GLRA2: variants seen among roughly 807,000 people sequenced by gnomAD.
GLRA2 encodes the protein glycine receptor alpha 2, also known as glycine receptor subunit alpha-2.
In GLRA2, 11 loss-of-function variants were observed where a neutral mutation model predicts 31.6. The observed-to-expected ratio is 0.35, with a 90% CI of 0.22 to 0.58. The LOEUF is 0.58. Ranked by LOEUF, GLRA2 falls within the 20% of genes least tolerant of loss-of-function variation. The probability of loss-of-function intolerance (pLI) is 0.84; values close to 1 mark genes in which losing one functional copy is unlikely to be tolerated. For missense variants in GLRA2, 212 were observed against 351.8 expected (o/e 0.60, Z 3.18); for synonymous variants, 132 against 134.0 (o/e 0.99, Z 0.10).
At chrX:14,455,701 A>G in the GLRA2 span, among the ~76,000 whole-genome samples, 1 of 111,568 alleles carries the variant, frequency 9.0e-6, no homozygotes, top group East Asian at 2.8e-4. Context: ...TAAAGGCATA[A>G]TTTTCTATTC....
At chrX:14,462,756 C>G in the GLRA2 span, among the ~76,000 whole-genome samples, 1 of 111,475 alleles carries the variant, frequency 9.0e-6, no homozygotes, top group Non-Finnish European at 1.9e-5. Context: ...AACCTTTTTT[C>G]AAGGTTGTTA....
intron 7 of GLRA2, among the ~76,000 whole-genome samples, chrX:14,629,994 G>GA (rs1015605291): frequency 1.8e-5 from 2 of 111,264 alleles, no homozygotes; most frequent in African/African-American, 6.5e-5. Context: ...CCACTAATTT[G>GA]AAAAAATCTT....
At chrX:14,607,068 G>C (rs1209902917) in intron 5 of GLRA2, 63 bp from the exon 6 acceptor site, 2 of 821,982 alleles carry the variant, frequency 2.4e-6, no homozygotes, top group Non-Finnish European at 3.6e-6. Flanking sequence ...TCTTTACATG[G>C]GTAGACTTTC....
chrX:14,526,327 G>T (rs1324080899), upstream of GLRA2, among the ~76,000 whole-genome samples: 1 of 112,742 alleles, frequency 8.9e-6, no homozygotes, highest in Non-Finnish European at 1.9e-5. Context: ...TAGTTTCCTT[G>T]TTCTACACAA....
At chrX:14,517,214 A>G in the GLRA2 span, among the ~76,000 whole-genome samples, 2 of 112,266 alleles carry the variant, frequency 1.8e-5, no homozygotes, top group East Asian at 2.8e-4. Flanking sequence ...TATATAATCT[A>G]TGCACATCAA....
intron 8 of GLRA2, among the ~76,000 whole-genome samples, chrX:14,701,294 C>G (rs977558382): frequency 9.0e-6 from 1 of 111,200 alleles, no homozygotes; most frequent in Non-Finnish European, 1.9e-5. Context: ...GTGAGGTTCT[C>G]CAGAGGAGCT....
At chrX:14,512,041 A>T in the GLRA2 span, among the ~76,000 whole-genome samples, 1 of 111,749 alleles carries the variant, frequency 8.9e-6, no homozygotes, top group African/African-American at 3.2e-5. Context: ...AAAGATATAC[A>T]TGTTTTTTGA....
chrX:14,699,438 C>A (rs192282312), intron 8 of GLRA2, among the ~76,000 whole-genome samples: 27 of 111,913 alleles, frequency 2.4e-4, no homozygotes, highest in African/African-American at 8.8e-4. Context: ...ACTTATTTTT[C>A]TTCTATTTTG....
At chrX:14,638,700 TAGG>T (rs1244647277) in intron 7 of GLRA2, among the ~76,000 whole-genome samples, 1 of 111,088 alleles carries the variant, frequency 9.0e-6, no homozygotes, top group Admixed American at 9.7e-5. Flanking sequence ...ATTTGATAAT[TAGG>T]AGCATATAAA....
intron 2 of GLRA2, among the ~76,000 whole-genome samples, chrX:14,537,351 C>T (rs2089339445): frequency 1.8e-5 from 2 of 111,283 alleles, no homozygotes; most frequent in Non-Finnish European, 3.8e-5. Context: ...TCTCTGCATG[C>T]TTCTTGAATG....
intron 7 of GLRA2, among the ~76,000 whole-genome samples, chrX:14,621,959 C>T (rs1188191447): frequency 2.7e-5 from 3 of 112,153 alleles, no homozygotes; most frequent in Non-Finnish European, 5.6e-5. Flanking sequence ...AATGGCTGTA[C>T]TAGTTTACAG....
intron 2 of GLRA2, among the ~76,000 whole-genome samples, chrX:14,541,037 A>G (rs901186987): frequency 1.8e-5 from 2 of 111,410 alleles, no homozygotes; most frequent in African/African-American, 3.3e-5. Flanking sequence ...TACGAAAATA[A>G]TTAATACAGT....
In GLRA2 at chrX:14,730,565, T is replaced by G; in HGVS notation, c.*80T>G. 4.0e-6 allele frequency: 1 copy of G among 249,627 alleles called. No individual in the cohort carries two copies. Among genetic ancestry groups the G allele is most frequent in the Non-Finnish European group, 6.6e-6 (1 of 150,842 alleles). The allele number at this position is 249,627 out of a possible 1,213,427, so 20.6% of individuals were successfully genotyped here. On this transcript the variant is annotated 3_prime_UTR_variant, in exon 9 of 9. Transcript: ENST00000218075. ...ACAGTGAAATTGTCTTTATATCACT[T>G]TGACAGAGGAGAAGATTGAGGGAGG...
chrX:14,595,332 T>C (rs769145482), intron 4 of GLRA2, among the ~76,000 whole-genome samples: 1 of 111,879 alleles, frequency 8.9e-6, no homozygotes, highest in Non-Finnish European at 1.9e-5. Flanking sequence ...AGTTGGAAGG[T>C]GTTTGAGCAA....
intron 2 of GLRA2, among the ~76,000 whole-genome samples, chrX:14,539,798 A>G (rs1302765505): frequency 8.9e-6 from 1 of 111,746 alleles, no homozygotes; most frequent in Non-Finnish European, 1.9e-5. Context: ...TATATATATG[A>G]CTGGATAAGT....
intron 7 of GLRA2, among the ~76,000 whole-genome samples, chrX:14,612,901 C>T (rs1317887068): frequency 9.2e-6 from 1 of 108,186 alleles, no homozygotes; most frequent in Non-Finnish European, 1.9e-5. Context: ...GTGCAGCAAA[C>T]CACCATGGCA....
chrX:14,599,570 T>C (rs1234056676), intron 4 of GLRA2, among the ~76,000 whole-genome samples: 2 of 112,380 alleles, frequency 1.8e-5, no homozygotes, highest in Non-Finnish European at 3.8e-5. Flanking sequence ...AAGTTCTTTT[T>C]TTCCCCCAAA....
intron 4 of GLRA2, among the ~76,000 whole-genome samples, chrX:14,598,817 G>A (rs974756131): frequency 8.9e-6 from 1 of 112,062 alleles, no homozygotes; most frequent in Non-Finnish European, 1.9e-5. Flanking sequence ...AGAGACAGGG[G>A]TTCAGCCTTC....
chrX:14,611,085 T>G lies in GLRA2; in HGVS notation c.930+1880T>G, dbSNP rs973052819. ...AACATGGTTGGCTTTCAACTGACCA[T>G]GAGGAAATGTAACTTATGTGGATGA... On this transcript the variant is annotated intron_variant, in intron 7 of 8. Transcript: ENST00000218075. Among the ~76,000 whole-genome samples the G allele has an allele frequency of 2.7e-5, 3 of 112,716 alleles. No individual in the cohort carries two copies. In the East Asian group the frequency reaches 8.4e-4, roughly 32 times the overall value.
Sources: gnomAD v4.1 joint callset for allele counts (sites outside exome capture counted in the v4.1 genomes callset) on GRCh38, gnomAD v4.1.1 for gene constraint, MANE v1.5 for transcripts, NCBI Gene and HGNC (gene_info 2026-07-23, HGNC 2026-07-21) for gene names.